The following MEI4 variants were observed in gnomAD, a reference collection of about 807,000 sequenced individuals.
MEI4 encodes meiosis-specific protein MEI4.
A neutral mutation model predicts 31.4 loss-of-function variants in MEI4; 27 were observed. The ratio of observed to expected loss-of-function variants is 0.86; its 90% CI spans 0.63 to 1.19. MEI4 has a LOEUF of 1.19. MEI4 is among the 50% of genes most tolerant of loss of function. The pLI is 0.00. For synonymous variants in MEI4, 122 were observed against 145.4 expected (o/e 0.84, Z 1.16); for missense variants, 329 against 398.9 (o/e 0.82, Z 1.49).
At chr6:77,863,695 G>C (rs1161085786) in intron 4 of MEI4, among the ~76,000 whole-genome samples, 1 of 152,024 alleles carries the variant, frequency 6.6e-6, no homozygotes, top group East Asian at 1.9e-4. Flanking sequence ...ATCTAGCAAG[G>C]CAGGCCAACA....
chr6:77,856,189 G>A (rs1326619300), intron 4 of MEI4, among the ~76,000 whole-genome samples: 1 of 152,138 alleles, frequency 6.6e-6, no homozygotes, highest in African/African-American at 2.4e-5. Flanking sequence ...AAGCTCTAAT[G>A]AACCGGCCCG....
chr6:77,913,331 T>G (rs1017491174), intron 4 of MEI4, among the ~76,000 whole-genome samples: 2 of 152,172 alleles, frequency 1.3e-5, no homozygotes, highest in South Asian at 2.1e-4. Flanking sequence ...TCACTCCTCT[T>G]CAGTTGTTTG....
chr6:77,798,151 A>G (rs1301818801), intron 3 of MEI4, among the ~76,000 whole-genome samples: 1 of 151,970 alleles, frequency 6.6e-6, no homozygotes, highest in Non-Finnish European at 1.5e-5. Context: ...GCAACCATTA[A>G]AATCTAACTT....
chr6:77,671,051 G>GTT (rs1345853480), intron 1 of MEI4, among the ~76,000 whole-genome samples: 4 of 132,706 alleles, frequency 3.0e-5, no homozygotes, highest in Non-Finnish European at 4.9e-5. Context: ...TTTGTGAATT[G>GTT]TTGTTTTTTT....
At chr6:77,781,116 T>C (rs1339744886) in intron 3 of MEI4, among the ~76,000 whole-genome samples, 1 of 152,226 alleles carries the variant, frequency 6.6e-6, no homozygotes, top group East Asian at 1.9e-4. Flanking sequence ...CAGGCTGTTC[T>C]TGAACTCCTG....
intron 2 of MEI4, among the ~76,000 whole-genome samples, chr6:77,710,305 C>T (rs1330843472): frequency 2.0e-5 from 3 of 151,902 alleles, no homozygotes; most frequent in Non-Finnish European, 4.4e-5. Flanking sequence ...AGGCAGATCA[C>T]GAGGTCAAGA....
intron 3 of MEI4, among the ~76,000 whole-genome samples, chr6:77,800,284 C>T (rs1435074008): frequency 3.3e-5 from 5 of 151,846 alleles, no homozygotes; most frequent in Non-Finnish European, 4.4e-5. Flanking sequence ...ACTCATGATT[C>T]GGCTCTCTGT....
At chr6:77,889,147 CTG>C (rs938255111) in intron 4 of MEI4, among the ~76,000 whole-genome samples, 2 of 152,126 alleles carry the variant, frequency 1.3e-5, no homozygotes, top group Non-Finnish European at 2.9e-5. Context: ...AATCACCCCA[CTG>C]TCTGTGGTAT....
At chr6:77,884,011 T>C (rs891006596) in intron 4 of MEI4, among the ~76,000 whole-genome samples, 5 of 152,032 alleles carry the variant, frequency 3.3e-5, no homozygotes, top group Non-Finnish European at 2.9e-5. Flanking sequence ...CTCTGCATCC[T>C]CACCAACGGT....
At chr6:77,742,638 G>T (rs546383557) in intron 2 of MEI4, among the ~76,000 whole-genome samples, 1 of 152,272 alleles carries the variant, frequency 6.6e-6, no homozygotes, top group South Asian at 2.1e-4. Context: ...GATCCCATTT[G>T]TCAATTTTGG....
chr6:77,735,881 G>T (rs77580650), intron 2 of MEI4, among the ~76,000 whole-genome samples: 1 of 151,910 alleles, frequency 6.6e-6, no homozygotes, highest in Non-Finnish European at 1.5e-5. Flanking sequence ...AGGTCTGTTG[G>T]AGTACCCGGC....
intron 1 of MEI4, among the ~76,000 whole-genome samples, chr6:77,684,035 A>G (rs1314945483): frequency 6.6e-6 from 1 of 152,074 alleles, no homozygotes; most frequent in Admixed American, 6.6e-5. Context: ...CCACATCCTC[A>G]TCTTTTGTCT....
chr6:77,734,178 A>G (rs893646170), intron 2 of MEI4, among the ~76,000 whole-genome samples: 5 of 151,886 alleles, frequency 3.3e-5, no homozygotes, highest in Non-Finnish European at 7.4e-5. Flanking sequence ...ATTCCTGGGT[A>G]TCCTTGTTGA....
At chr6:77,734,840 A>G (rs1210137387) in intron 2 of MEI4, among the ~76,000 whole-genome samples, 1 of 151,492 alleles carries the variant, frequency 6.6e-6, no homozygotes, top group Non-Finnish European at 1.5e-5. Flanking sequence ...GTTGTGACAA[A>G]ATCTCTCAGC....
At chr6:77,678,435 T>C (rs1768885546) in intron 1 of MEI4, among the ~76,000 whole-genome samples, 1 of 152,168 alleles carries the variant, frequency 6.6e-6, no homozygotes, top group Non-Finnish European at 1.5e-5. Context: ...ATGTTTGGTA[T>C]ACAGTCATGC....
intron 2 of MEI4, among the ~76,000 whole-genome samples, chr6:77,699,628 G>C (rs902916539): frequency 1.3e-5 from 2 of 152,206 alleles, no homozygotes; most frequent in Non-Finnish European, 2.9e-5. Flanking sequence ...GTGAGGAGCT[G>C]TGTTCCTTTG....
chr6:77,798,214 C>CA (rs1769134590), intron 3 of MEI4, among the ~76,000 whole-genome samples: 1 of 149,204 alleles, frequency 6.7e-6, no homozygotes, highest in Admixed American at 6.7e-5. Context: ...ACATTTGATG[C>CA]AAAAAAGGTA....
At chr6:77,869,518 G>T (rs374336714) in intron 4 of MEI4, among the ~76,000 whole-genome samples, 24 of 152,166 alleles carry the variant, frequency 1.6e-4, no homozygotes, top group African/African-American at 4.8e-4. Context: ...CACGTGAAGG[G>T]GCAACAGAAG....
intron 2 of MEI4, among the ~76,000 whole-genome samples, chr6:77,730,587 T>C (rs940597001): frequency 6.6e-6 from 1 of 151,008 alleles, no homozygotes; most frequent in Admixed American, 6.6e-5. Context: ...TAATTCAGTA[T>C]TTTTTTTAGT....
Sources: gnomAD v4.1 joint callset for allele counts (sites outside exome capture counted in the v4.1 genomes callset) on GRCh38, gnomAD v4.1.1 for gene constraint, MANE v1.5 for transcripts, NCBI Gene and HGNC (gene_info 2026-07-23, HGNC 2026-07-21) for gene names.